KIT: variants seen among roughly 807,000 people sequenced by gnomAD.
KIT encodes KIT proto-oncogene, receptor tyrosine kinase.
KIT carries 16 observed loss-of-function variants against 105.7 expected under a neutral mutation model. The ratio of observed to expected loss-of-function variants is 0.15; its 90% CI spans 0.10 to 0.23. The LOEUF (loss-of-function observed/expected upper bound fraction) is 0.23. Ranked by LOEUF, KIT falls within the 10% of genes least tolerant of loss-of-function variation. KIT has a pLI of 1.00. For synonymous variants in KIT, 438 were observed against 441.1 expected, an observed-to-expected ratio of 0.99 and a Z score of 0.09; for missense variants, 858 against 1,213.8, an observed-to-expected ratio of 0.71 and a Z score of 4.36.
At chr4:54,718,228 G>A (rs1462762609) in intron 7 of KIT, among the ~76,000 whole-genome samples, 6 of 152,122 alleles carry the variant, frequency 3.9e-5, no homozygotes, top group Admixed American at 2.6e-4. Context: ...AGCCTCCCGA[G>A]TAGCTGGTAT....
intron 1 of KIT, among the ~76,000 whole-genome samples, chr4:54,683,048 G>A (rs1411602893): frequency 6.6e-5 from 10 of 150,542 alleles, no homozygotes; most frequent in Non-Finnish European, 1.2e-4. Context: ...TACTGTGCCC[G>A]GCCTGTCTTA....
Position 54,698,577 on chromosome 4 carries a change from T to C in KIT, c.619+12T>C. The C allele has an allele frequency of 6.2e-7, 1 of 1,613,810 alleles. No individual in the cohort carries two copies. The highest frequency in any genetic ancestry group is 8.5e-7 in the Non-Finnish European group (1 of 1,179,850). On this transcript the variant is annotated intron_variant, in intron 3 of 20. Coordinates refer to ENST00000288135, the MANE Select transcript of KIT (RefSeq NM_000222.3). The stretch of plus-strand genomic sequence containing the variant: ...GAAAGTGAGGCCAGGTACTGGCTCT[T>C]TCTTATCTGCCTCTGGGAGTTGAGA...
chr4:54,681,366 G>A (rs1052169505), intron 1 of KIT, among the ~76,000 whole-genome samples: 2 of 152,046 alleles, frequency 1.3e-5, no homozygotes, highest in Non-Finnish European at 2.9e-5. Context: ...TTCTGCTCAG[G>A]GATGGATCCC....
intron 16 of KIT, 134 bp from the exon 17 acceptor site, chr4:54,732,936 G>A (rs1037464403): frequency 1.5e-6 from 1 of 679,746 alleles, no homozygotes; most frequent in Non-Finnish European, 2.5e-6. Context: ...TATTTTTGGT[G>A]TACTGAATAC....
intron 1 of KIT, among the ~76,000 whole-genome samples, chr4:54,673,963 G>T (rs1412346479): frequency 6.6e-6 from 1 of 152,122 alleles, no homozygotes; most frequent in African/African-American, 2.4e-5. Context: ...TAGAGACAGG[G>T]TTTCACCATG....
chr4:54,675,311 T>C (rs930784504), intron 1 of KIT, among the ~76,000 whole-genome samples: 9 of 152,112 alleles, frequency 5.9e-5, no homozygotes, highest in African/African-American at 2.2e-4. Flanking sequence ...GAAGATAGAG[T>C]AAGATTGTTT....
At chr4:54,670,096 G>C (rs1718001696) in intron 1 of KIT, among the ~76,000 whole-genome samples, 2 of 152,238 alleles carry the variant, frequency 1.3e-5, no homozygotes, top group South Asian at 4.1e-4. Context: ...TTACCCAAGA[G>C]GATTGACTAG....
chr4:54,722,857 A>T (rs969556462), intron 7 of KIT, among the ~76,000 whole-genome samples: 1 of 134,734 alleles, frequency 7.4e-6, no homozygotes, highest in African/African-American at 3.3e-5. Context: ...ATATATTTTT[A>T]TATATATGTA....
intron 2 of KIT, chr4:54,696,051 A>G (rs1437355318): frequency 1.1e-5 from 6 of 522,756 alleles, no homozygotes; most frequent in Admixed American, 1.0e-4. Flanking sequence ...TGGTGCTTTG[A>G]GTAAACCCTG....
intron 7 of KIT, among the ~76,000 whole-genome samples, chr4:54,714,143 T>C (rs1214946795): frequency 6.6e-6 from 1 of 152,230 alleles, no homozygotes; most frequent in African/African-American, 2.4e-5. Flanking sequence ...ATGTTTGATA[T>C]CCTTCAGCGA....
At chr4:54,666,545 T>C (rs1393081427) in intron 1 of KIT, among the ~76,000 whole-genome samples, 6 of 152,216 alleles carry the variant, frequency 3.9e-5, no homozygotes, top group Non-Finnish European at 7.3e-5. Flanking sequence ...CCCAAAGTGC[T>C]GGGATTACAG....
intron 1 of KIT, among the ~76,000 whole-genome samples, chr4:54,681,129 G>A (rs1362063205): frequency 6.6e-6 from 1 of 152,176 alleles, no homozygotes; most frequent in African/African-American, 2.4e-5. Context: ...GGACGAGCTC[G>A]CTACCCCGAC....
At chr4:54,679,746 C>T (rs1718766733) in intron 1 of KIT, among the ~76,000 whole-genome samples, 1 of 151,992 alleles carries the variant, frequency 6.6e-6, no homozygotes, top group Non-Finnish European at 1.5e-5. Context: ...TTTAAAAATG[C>T]CTTAGGGAAA....
intron 4 of KIT, 43 bp from the exon 5 acceptor site, chr4:54,703,681 A>G (rs1228309442): frequency 2.7e-6 from 4 of 1,495,730 alleles, no homozygotes; most frequent in Non-Finnish European, 2.8e-6. Flanking sequence ...TATAAATTAT[A>G]TGGTAATCTT....
At chr4:54,688,988 T>G (rs759987849) in intron 1 of KIT, among the ~76,000 whole-genome samples, 25 of 152,338 alleles carry the variant, frequency 1.6e-4, no homozygotes, top group Non-Finnish European at 3.2e-4. Flanking sequence ...TGAGCTGCCA[T>G]TCTTTCCATA....
rs575756072 is a variant in KIT at position 54,705,017 on chromosome 4, T to C, written c.925+1125T>C. Among the ~76,000 whole-genome samples, 3 of 152,306 alleles carry C rather than the reference T, an allele frequency of 2.0e-5. No homozygotes were observed. The South Asian group carries it at 6.2e-4, about 32-fold the overall frequency. On this transcript the variant is annotated intron_variant, in intron 5 of 20. Transcript: ENST00000288135. ...GCAATTATAGTCAGCACACAGAAAG[T>C]GTACTACTTTGTTCCTAAACATGAT... is the stretch of plus-strand genomic sequence containing the variant.
intron 1 of KIT, among the ~76,000 whole-genome samples, chr4:54,666,225 A>AT (rs1343744080): frequency 2.0e-5 from 3 of 152,174 alleles, no homozygotes; most frequent in Non-Finnish European, 2.9e-5. Flanking sequence ...AATGAGAGTC[A>AT]TTTAAATTGC....
At chr4:54,732,470 T>C (rs1462897084) in intron 16 of KIT, among the ~76,000 whole-genome samples, 1 of 152,178 alleles carries the variant, frequency 6.6e-6, no homozygotes, top group African/African-American at 2.4e-5. Context: ...TAATAAACAC[T>C]TGGGAGAAGG....
intron 15 of KIT, 132 bp downstream of exon 15, chr4:54,731,551 G>A: frequency 1.3e-6 from 1 of 768,684 alleles, no homozygotes; most frequent in Non-Finnish European, 2.3e-6. Context: ...CAGTGCCAAT[G>A]GTCAATGGCA....
Sources: allele counts gnomAD v4.1 joint callset (sites outside exome capture counted in the v4.1 genomes callset), GRCh38; gene constraint gnomAD v4.1.1; transcripts MANE v1.5; gene names NCBI Gene and HGNC (gene_info 2026-07-23, HGNC 2026-07-21).